The following EPRS1 variants were observed in gnomAD, a reference collection of about 807,000 sequenced individuals.
EPRS1 encodes the protein glutamyl-prolyl-tRNA synthetase 1.
In EPRS1, 107 loss-of-function variants were observed where a neutral mutation model predicts 188.3. The observed-to-expected ratio is 0.57, with a 90% CI of 0.49 to 0.67. The LOEUF is 0.67. Among genes scored for constraint, EPRS1 ranks in the 30% least tolerant of loss-of-function variants. The probability of loss-of-function intolerance (pLI) is 0.00; values close to 1 mark genes in which losing one functional copy is unlikely to be tolerated. For synonymous variants in EPRS1, 596 were observed against 593.1 expected, an observed-to-expected ratio of 1.00 and a Z score of -0.07; for missense variants, 1,577 against 1,802.2, an observed-to-expected ratio of 0.88 and a Z score of 2.26.
chr1:219,998,381 C>T (rs2102575002), intron 17 of EPRS1, among the ~76,000 whole-genome samples: 1 of 152,206 alleles, frequency 6.6e-6, no homozygotes, highest in Admixed American at 6.5e-5. Flanking sequence ...AAACCCATCG[C>T]TCAAAATTCC....
intron 13 of EPRS1, among the ~76,000 whole-genome samples, chr1:220,010,450 CT>C (rs1661579743): frequency 6.6e-6 from 1 of 152,112 alleles, no homozygotes; most frequent in South Asian, 2.1e-4. Flanking sequence ...CTAAAATAAA[CT>C]TTTTTAAGGC....
intron 7 of EPRS1, 116 bp downstream of exon 7, chr1:220,025,016 T>C: frequency 2.1e-6 from 2 of 974,524 alleles, no homozygotes; most frequent in South Asian, 1.3e-5. Context: ...AATATATAGA[T>C]AGGGAAAAAA....
chr1:220,014,065 C>T (rs771781884), intron 12 of EPRS1, among the ~76,000 whole-genome samples: 1 of 152,184 alleles, frequency 6.6e-6, no homozygotes, highest in Non-Finnish European at 1.5e-5. Context: ...CAGTGGCTCA[C>T]GCCTGTAATC....
chr1:219,975,841 T>G (rs1455997062), intron 28 of EPRS1, among the ~76,000 whole-genome samples: 4 of 152,008 alleles, frequency 2.6e-5, no homozygotes, highest in Non-Finnish European at 5.9e-5. Flanking sequence ...TACACATATC[T>G]GTATGTGTGT....
chr1:220,010,675 T>C (rs1215428253), intron 13 of EPRS1, among the ~76,000 whole-genome samples: 2 of 151,844 alleles, frequency 1.3e-5, no homozygotes, highest in African/African-American at 2.4e-5. Flanking sequence ...CTAGGCGTAG[T>C]GGGGGGCACC....
Position 219,988,754 on chromosome 1 carries a change from C to T in EPRS1, c.2611G>A (p.Glu871Lys), listed in dbSNP as rs780050062. 2 of 1,613,710 alleles carry T rather than the reference C, an allele frequency of 1.2e-6. No individual in the cohort carries two copies. Among genetic ancestry groups the T allele is most frequent in the Admixed American group, 1.7e-5 (1 of 59,972 alleles). Reference sequence around the variant, plus strand: ...AATGGGGGCTGACCAGGTATGTACTCCTTCCCAGTTTTTTCTTTATACTGA... The same window carrying T: ...AATGGGGGCTGACCAGGTATGTACTTCTTCCCAGTTTTTTCTTTATACTGA... The part of the protein sequence containing the change: ...KAQYKEKTGK[E>K]YIPGQPPLSQ... Residue 871 changes from glutamate (E) to lysine (K), a missense_variant, in exon 19 of 32, where the codon GAG becomes AAG. Physicochemically the swap from Glu to Lys is moderately conservative, Grantham distance 56. Transcript: ENST00000366923.
intron 9 of EPRS1, among the ~76,000 whole-genome samples, 192 bp downstream of exon 9, chr1:220,022,155 T>C (rs1184660096): frequency 6.6e-6 from 1 of 152,166 alleles, no homozygotes; most frequent in Admixed American, 6.6e-5. Context: ...AATAATGTGG[T>C]AGAACCTTAA....
chr1:220,045,547 T>C (rs1310707820), intron 1 of EPRS1, among the ~76,000 whole-genome samples: 2 of 152,066 alleles, frequency 1.3e-5, no homozygotes, highest in African/African-American at 2.4e-5. Context: ...AATTCTTCTG[T>C]GTAATTTCCC....
Position 220,024,331 on chromosome 1 carries a change from A to T in EPRS1, c.876T>A (p.Asp292Glu), listed in dbSNP as rs781263397. Residue 292 changes from aspartate (D) to glutamate (E), a missense_variant, in exon 8 of 32, where the codon GAT becomes GAA. Asp to Glu is a conservative substitution (Grantham distance 45). Transcript: ENST00000366923. ...CTTTCATCTGTTCAGCAGGAGTATC[A>T]TCCACATAAGCCTTCCCTTCTTGAA... The part of the protein sequence containing the change: ...KLIQEGKAYV[D>E]DTPAEQMKAE... The T allele has an allele frequency of 1.9e-6, 3 of 1,613,540 alleles. No homozygotes were observed. Among genetic ancestry groups the T allele is most frequent in the Non-Finnish European group, 2.5e-6 (3 of 1,179,724 alleles).
At chr1:220,039,956 C>T (rs1031317126) in intron 2 of EPRS1, among the ~76,000 whole-genome samples, 1 of 152,180 alleles carries the variant, frequency 6.6e-6, no homozygotes, top group Non-Finnish European at 1.5e-5. Context: ...CACAGTGATA[C>T]CCCATCTCTA....
intron 12 of EPRS1, among the ~76,000 whole-genome samples, chr1:220,015,546 G>C (rs1220147880): frequency 1.3e-5 from 2 of 151,862 alleles, no homozygotes; most frequent in South Asian, 2.1e-4. Context: ...GAAAGGGAAA[G>C]GGAGAGAATT....
intron 18 of EPRS1, among the ~76,000 whole-genome samples, chr1:219,993,128 A>T (rs1440766936): frequency 6.6e-6 from 1 of 151,680 alleles, no homozygotes; most frequent in African/African-American, 2.4e-5. Flanking sequence ...CCAGCTACTT[A>T]GGAGACTGAG....
At chr1:219,979,915 C>T (rs1291410193) in intron 26 of EPRS1, among the ~76,000 whole-genome samples, 170 bp downstream of exon 26, 1 of 152,086 alleles carries the variant, frequency 6.6e-6, no homozygotes, top group Non-Finnish European at 1.5e-5. Flanking sequence ...TATGACTTAA[C>T]GAACCATGGA....
At chr1:219,996,765 C>A (rs1360861877) in intron 18 of EPRS1, among the ~76,000 whole-genome samples, 2 of 152,170 alleles carry the variant, frequency 1.3e-5, no homozygotes, top group Non-Finnish European at 2.9e-5. Context: ...TAAGAGTACA[C>A]TGAGTCTGTA....
Position 220,019,977 on chromosome 1 carries a change from A to C in EPRS1, c.1349+11T>G, listed in dbSNP as rs757066050. The C allele has an allele frequency of 2.8e-5, 43 of 1,558,644 alleles. No homozygotes were observed. In the South Asian group the frequency reaches 4.1e-4, roughly 15 times the overall value. On this transcript the variant is annotated intron_variant, in intron 10 of 31. Coordinates refer to ENST00000366923, the MANE Select transcript of EPRS1 (RefSeq NM_004446.3). ...TTACTTCTTGTCAATTCTAAGTAAC[A>C]TTAAACATACCATCCATCTACTAGT...
At chr1:220,040,072 G>T in intron 2 of EPRS1, 113 bp downstream of exon 2, 1 of 676,706 alleles carries the variant, frequency 1.5e-6, no homozygotes, top group Non-Finnish European at 2.6e-6. Flanking sequence ...TCTAGGTACA[G>T]TGAGCTATGA....
rs145298889 is a variant in EPRS1, at chr1:220,032,067, G to T, written c.528+320C>A. Among the ~76,000 whole-genome samples, 477 of 151,912 alleles carry T rather than the reference G, an allele frequency of 3.1e-3. 1 individual carries two copies. The highest frequency in any genetic ancestry group is 5.8e-3 in the Non-Finnish European group (392 of 67,984). On this transcript the variant is annotated intron_variant, in intron 5 of 31. Transcript: ENST00000366923. ...CTTTTCAGACCTAGGGCCTCAGACA[G>T]ACTGAAATGTCATCTTTTTTTTTTT...
Position 219,982,855 on chromosome 1 carries a change from A to G in EPRS1, c.3301-11T>C. 6.2e-7 allele frequency: 1 copy of G among 1,613,268 alleles called. No individual in the cohort carries two copies. Among genetic ancestry groups the G allele is most frequent in the Non-Finnish European group, 8.5e-7 (1 of 1,179,242 alleles). On this transcript the variant is annotated splice_polypyrimidine_tract_variant and intron_variant, in intron 22 of 31. Coordinates refer to ENST00000366923, the MANE Select transcript of EPRS1 (RefSeq NM_004446.3). Reference sequence around the variant, plus strand: ...TGTAACCCAAGCAACCTAGTAAGAAAAAATCATTTTTCATACTTTTTTTTC... The same window carrying G: ...TGTAACCCAAGCAACCTAGTAAGAAGAAATCATTTTTCATACTTTTTTTTC...
intron 12 of EPRS1, 67 bp from the exon 13 acceptor site, chr1:220,011,123 T>A: frequency 1.1e-6 from 1 of 890,318 alleles, no homozygotes; most frequent in Non-Finnish European, 1.9e-6. Context: ...GCAAAATAAA[T>A]AATAGCACAG....
Sources: gnomAD v4.1 joint callset for allele counts (sites outside exome capture counted in the v4.1 genomes callset) on GRCh38, gnomAD v4.1.1 for gene constraint, MANE v1.5 for transcripts, NCBI Gene and HGNC (gene_info 2026-07-23, HGNC 2026-07-21) for gene names.